WWC2: variants seen among roughly 807,000 people sequenced by gnomAD.
WWC2 encodes WW and C2 domain containing 2, also known as protein WWC2.
Under a neutral mutation model 138.5 loss-of-function variants are expected in WWC2, and 101 were observed. The ratio of observed to expected loss-of-function variants is 0.73; its 90% CI spans 0.62 to 0.86. WWC2 has a LOEUF of 0.86. Ranked by LOEUF, WWC2 falls within the 40% of genes least tolerant of loss-of-function variation. The pLI, the probability that WWC2 is intolerant of heterozygous loss-of-function variation, is 0.00. For synonymous variants in WWC2, 558 were observed against 538.4 expected (o/e 1.04, Z -0.50); for missense variants, 1,420 against 1,419.4 (o/e 1.00, Z -0.01).
chr4:183,174,811 GTCTCTCTCTCTTTTGCGCTCTC>G (rs1734411681), intron 1 of WWC2, among the ~76,000 whole-genome samples: 1 of 150,304 alleles, frequency 6.7e-6, no homozygotes, highest in African/African-American at 2.5e-5. Flanking sequence ...CTCTCTCTCT[GTCTCTCTCTCTTTTGCGCTCTC>G]TCTCTCTCTG....
intron 1 of WWC2, among the ~76,000 whole-genome samples, chr4:183,116,863 G>T (rs1054917720): frequency 6.6e-6 from 1 of 152,120 alleles, no homozygotes; most frequent in Admixed American, 6.5e-5. Flanking sequence ...ATCCTGCCTT[G>T]CAAGATACCC....
At chr4:183,239,501 A>G (rs989622003) in intron 4 of WWC2, among the ~76,000 whole-genome samples, 22 of 152,158 alleles carry the variant, frequency 1.4e-4, no homozygotes, top group African/African-American at 5.3e-4. Flanking sequence ...GGAAAAATAT[A>G]TTTTATCAGT....
At chr4:183,211,203 G>A (rs1735586406) in intron 4 of WWC2, among the ~76,000 whole-genome samples, 1 of 152,096 alleles carries the variant, frequency 6.6e-6, no homozygotes, top group South Asian at 2.1e-4. Context: ...TTGAACCTGG[G>A]TGCAGTGGCT....
At chr4:183,220,433 A>G (rs562552664) in intron 4 of WWC2, among the ~76,000 whole-genome samples, 3 of 152,096 alleles carry the variant, frequency 2.0e-5, no homozygotes, top group African/African-American at 7.2e-5. Flanking sequence ...ATAGTTAAAC[A>G]TTTACAAACC....
In WWC2 at chr4:183,110,967, C is replaced by T. The variant is rs1400160060; in HGVS notation, c.131+11345C>T. On this transcript the variant is annotated intron_variant, in intron 1 of 22. Coordinates refer to ENST00000403733, the MANE Select transcript of WWC2 (RefSeq NM_024949.6). ...AAATCCTGATTTACAGGGCTGGGCTCGGTGGCTCACGCCTGTAATCCTAGC... is the reference window on the plus strand; with the variant it reads ...AAATCCTGATTTACAGGGCTGGGCTTGGTGGCTCACGCCTGTAATCCTAGC... Among the ~76,000 whole-genome samples the T allele has an allele frequency of 2.6e-5, 4 of 151,962 alleles. No individual in the cohort carries two copies. In the South Asian group the frequency reaches 6.3e-4, roughly 24 times the overall value.
At chr4:183,284,417 C>A (rs777892807) in intron 19 of WWC2, 27 bp downstream of exon 19, 1 of 1,602,494 alleles carries the variant, frequency 6.2e-7, no homozygotes. Context: ...CGTGGTGAGG[C>A]GCTGGGACTG....
chr4:183,150,369 A>T (rs1324031729), intron 1 of WWC2, among the ~76,000 whole-genome samples: 1 of 152,210 alleles, frequency 6.6e-6, no homozygotes, highest in Non-Finnish European at 1.5e-5. Context: ...GGCCAAGTTC[A>T]TAGATTTTAA....
intron 16 of WWC2, among the ~76,000 whole-genome samples, chr4:183,274,792 T>C (rs1737797786): frequency 6.6e-6 from 1 of 152,162 alleles, no homozygotes. Context: ...AATGTTTTAA[T>C]CATTTAAAAC....
At chr4:183,295,926 G>A (rs1486019455) in intron 21 of WWC2, among the ~76,000 whole-genome samples, 1 of 152,220 alleles carries the variant, frequency 6.6e-6, no homozygotes, top group Non-Finnish European at 1.5e-5. Context: ...AAATTGCCTT[G>A]TAAGTGACCT....
intron 21 of WWC2, among the ~76,000 whole-genome samples, chr4:183,299,859 T>C (rs552221890): frequency 6.6e-6 from 1 of 152,252 alleles, no homozygotes; most frequent in South Asian, 2.1e-4. Context: ...ATAAAAAATA[T>C]GGCTCCCAGA....
At chr4:183,225,932 C>G (rs1736057583) in intron 4 of WWC2, among the ~76,000 whole-genome samples, 1 of 152,048 alleles carries the variant, frequency 6.6e-6, no homozygotes, top group Non-Finnish European at 1.5e-5. Context: ...TTCCATTACT[C>G]ATAAAAATTA....
intron 1 of WWC2, among the ~76,000 whole-genome samples, chr4:183,145,111 A>T (rs72697304): frequency 6.6e-6 from 1 of 152,178 alleles, no homozygotes; most frequent in Admixed American, 6.5e-5. Context: ...AGCATGGCCT[A>T]TGGTTGAGGC....
chr4:183,261,521 A>G lies in WWC2; in HGVS notation c.1898A>G (p.Glu633Gly). ...GAATGTGCTAGGGAGCCATTATATG[A>G]AGGAACTGCAGGTAAATGCAGCCCT... ...LNECAREPLY[E>G]GTADVEKSLP... The change falls in exon 11 of 23, where the codon GAA becomes GGA. Residue 633 changes from glutamate (E) to glycine (G), a missense_variant. Coordinates refer to ENST00000403733, the MANE Select transcript of WWC2 (RefSeq NM_024949.6). 6.2e-7 allele frequency: 1 copy of G among 1,611,102 alleles called. No homozygotes were observed. Among genetic ancestry groups the G allele is most frequent in the South Asian group, 1.1e-5 (1 of 90,348 alleles).
intron 1 of WWC2, among the ~76,000 whole-genome samples, chr4:183,155,487 G>T (rs1733780612): frequency 6.6e-6 from 1 of 152,092 alleles, no homozygotes. Context: ...ACGTGGAAGG[G>T]GTATTTTAGA....
intron 5 of WWC2, among the ~76,000 whole-genome samples, chr4:183,240,984 C>T (rs893511528): frequency 6.6e-6 from 1 of 152,180 alleles, no homozygotes; most frequent in Admixed American, 6.5e-5. Flanking sequence ...CTATCCAAAC[C>T]GTGACAGGCA....
At chr4:183,274,902 A>G (rs1011736498) in intron 16 of WWC2, among the ~76,000 whole-genome samples, 1 of 152,176 alleles carries the variant, frequency 6.6e-6, no homozygotes, top group Non-Finnish European at 1.5e-5. Context: ...CACCTGAAAC[A>G]TTTATCATTT....
chr4:183,106,351 T>C (rs977467642), intron 1 of WWC2, among the ~76,000 whole-genome samples: 1 of 152,226 alleles, frequency 6.6e-6, no homozygotes, highest in Non-Finnish European at 1.5e-5. Context: ...TATCAAAATA[T>C]AGGTTCACAA....
intron 21 of WWC2, among the ~76,000 whole-genome samples, chr4:183,295,500 C>T (rs570750451): frequency 5.9e-5 from 9 of 152,298 alleles, no homozygotes; most frequent in Non-Finnish European, 1.3e-4. Flanking sequence ...TGTGAGGGCC[C>T]CTGCCCTGTC....
At chr4:183,307,231 A>G (rs1353208398) in intron 21 of WWC2, among the ~76,000 whole-genome samples, 1 of 152,264 alleles carries the variant, frequency 6.6e-6, no homozygotes, top group African/African-American at 2.4e-5. Flanking sequence ...ACTTCTAAAT[A>G]ACAGATGGGT....
Sources: gnomAD v4.1 joint callset for allele counts (sites outside exome capture counted in the v4.1 genomes callset) on GRCh38, gnomAD v4.1.1 for gene constraint, MANE v1.5 for transcripts, NCBI Gene and HGNC (gene_info 2026-07-23, HGNC 2026-07-21) for gene names.